HECW2: variants seen among roughly 807,000 people sequenced by gnomAD.
HECW2 encodes HECT, C2 and WW domain containing E3 ubiquitin protein ligase 2, also known as E3 ubiquitin-protein ligase HECW2.
Under a neutral mutation model 175.2 loss-of-function variants are expected in HECW2, and 61 were observed. The observed-to-expected ratio is 0.35, with a 90% confidence interval of 0.28 to 0.43. HECW2 has a LOEUF of 0.43. Ranked by LOEUF, HECW2 falls within the 20% of genes least tolerant of loss-of-function variation. HECW2 has a pLI of 1.00. For synonymous variants in HECW2, 671 were observed against 731.0 expected (o/e 0.92, Z 1.32); for missense variants, 1,524 against 2,000.5 (o/e 0.76, Z 4.54).
chr2:196,529,623 G>A lies in HECW2; in HGVS notation c.-36+63885C>T, dbSNP rs533918438. ...GCCAGGGCCTTAGGACAAGGAGTGTGCTCATGTTCATCCATACTCTCCTTC... is the reference window on the plus strand; with the variant it reads ...GCCAGGGCCTTAGGACAAGGAGTGTACTCATGTTCATCCATACTCTCCTTC... On this transcript the variant is annotated intron_variant, in intron 1 of 28. Transcript: ENST00000644978. Among the ~76,000 whole-genome samples, 4 of 152,322 alleles carry A rather than the reference G, an allele frequency of 2.6e-5. No homozygotes were observed. The East Asian group carries it at 5.8e-4, about 22-fold the overall frequency.
intron 1 of HECW2, among the ~76,000 whole-genome samples, chr2:196,551,679 A>G (rs1282398163): frequency 2.0e-5 from 3 of 152,244 alleles, no homozygotes; most frequent in Non-Finnish European, 4.4e-5. Flanking sequence ...ACAGTATCTG[A>G]TAACTTTGTT....
intron 1 of HECW2, among the ~76,000 whole-genome samples, chr2:196,550,723 A>G (rs1689580117): frequency 6.6e-6 from 1 of 152,154 alleles, no homozygotes; most frequent in South Asian, 2.1e-4. Flanking sequence ...GTGGCAATAA[A>G]TTTTTCCTTA....
intron 24 of HECW2, among the ~76,000 whole-genome samples, chr2:196,221,727 T>C (rs1159005329): frequency 6.6e-6 from 1 of 152,008 alleles, no homozygotes; most frequent in Non-Finnish European, 1.5e-5. Context: ...ACCTGGCTAA[T>C]TTTTGTATTT....
At chr2:196,554,183 G>A (rs962681784) in intron 1 of HECW2, among the ~76,000 whole-genome samples, 10 of 152,224 alleles carry the variant, frequency 6.6e-5, no homozygotes, top group South Asian at 4.1e-4. Context: ...AAAATTAGCC[G>A]GGCGCAGTGG....
At chr2:196,578,242 G>T (rs553137663) in intron 1 of HECW2, among the ~76,000 whole-genome samples, 1 of 152,208 alleles carries the variant, frequency 6.6e-6, no homozygotes, top group South Asian at 2.1e-4. Flanking sequence ...CACTAGAGGG[G>T]TTCAATAGTA....
At chr2:196,526,498 C>T (rs555313317) in intron 1 of HECW2, among the ~76,000 whole-genome samples, 33 of 152,114 alleles carry the variant, frequency 2.2e-4, no homozygotes, top group Non-Finnish European at 4.4e-4. Context: ...ATTCTCCATC[C>T]AGCTTTGTTC....
At chr2:196,549,067 T>A (rs1380208441) in intron 1 of HECW2, among the ~76,000 whole-genome samples, 1 of 152,212 alleles carries the variant, frequency 6.6e-6, no homozygotes, top group East Asian at 1.9e-4. Context: ...CCCACAAACT[T>A]AGAAACCCTT....
chr2:196,528,706 C>A (rs1253557020), intron 1 of HECW2, among the ~76,000 whole-genome samples: 1 of 152,200 alleles, frequency 6.6e-6, no homozygotes, highest in Non-Finnish European at 1.5e-5. Flanking sequence ...GGAGCAGTCA[C>A]AATTATGTGG....
chr2:196,219,563 T>A (rs567995285), intron 26 of HECW2, among the ~76,000 whole-genome samples: 63 of 152,352 alleles, frequency 4.1e-4, no homozygotes, highest in African/African-American at 1.4e-3. Context: ...AATGTTGTAT[T>A]TTGGGAACTG....
In HECW2 at chr2:196,458,436, TCACA is replaced by T. The variant is rs34752264; in HGVS notation, c.-35-24982_-35-24979del. On this transcript the variant is annotated intron_variant, in intron 1 of 28. Transcript: ENST00000644978. ...GTTTCTCTCTCTCCCTCTCACTCAC[TCACA>T]CACACACACACACACACACATACAC... Among the ~76,000 whole-genome samples, 130 of 146,906 alleles carry T rather than the reference TCACA, an allele frequency of 8.8e-4. 1 individual carries two copies. Among genetic ancestry groups the T allele is most frequent in the African/African-American group, 2.9e-3 (115 of 40,258 alleles).
intron 2 of HECW2, among the ~76,000 whole-genome samples, chr2:196,383,452 T>C (rs1694263954): frequency 6.6e-6 from 1 of 152,022 alleles, no homozygotes; most frequent in Non-Finnish European, 1.5e-5. Context: ...GAAAAGAGCC[T>C]AGGAGAGAAA....
chr2:196,378,950 C>A (rs762015541), intron 2 of HECW2, among the ~76,000 whole-genome samples: 5 of 152,040 alleles, frequency 3.3e-5, no homozygotes, highest in Non-Finnish European at 7.4e-5. Context: ...ATGAAGTACA[C>A]AGCACCACCA....
At chr2:196,507,628 T>C (rs967188670) in intron 1 of HECW2, among the ~76,000 whole-genome samples, 2 of 152,132 alleles carry the variant, frequency 1.3e-5, no homozygotes, top group African/African-American at 4.8e-5. Context: ...AACATCTAAC[T>C]CCAAATCTGA....
At chr2:196,359,223 G>A (rs1324270725) in intron 2 of HECW2, among the ~76,000 whole-genome samples, 6 of 152,196 alleles carry the variant, frequency 3.9e-5, no homozygotes, top group Non-Finnish European at 1.5e-5. Context: ...GCCAAGGCAG[G>A]TGGATCATGA....
chr2:196,247,010 C>G (rs1480923124), intron 19 of HECW2, among the ~76,000 whole-genome samples: 1 of 152,038 alleles, frequency 6.6e-6, no homozygotes, highest in Non-Finnish European at 1.5e-5. Flanking sequence ...CGCCTGTAAT[C>G]CCATCACTTT....
chr2:196,236,256 G>A (rs919517538), intron 21 of HECW2, among the ~76,000 whole-genome samples: 2 of 152,248 alleles, frequency 1.3e-5, no homozygotes, highest in East Asian at 1.9e-4. Flanking sequence ...TACCCTGGGG[G>A]CTGTCATTTA....
chr2:196,460,251 T>G (rs920922500), intron 1 of HECW2, among the ~76,000 whole-genome samples: 4 of 152,188 alleles, frequency 2.6e-5, no homozygotes, highest in Admixed American at 2.0e-4. Flanking sequence ...TGGGCATAAT[T>G]AAAAGACTCT....
chr2:196,568,517 C>A lies in HECW2; in HGVS notation c.-36+24991G>T, dbSNP rs528101234. Among the ~76,000 whole-genome samples the A allele has an allele frequency of 4.6e-5, 7 of 152,290 alleles. No homozygotes were observed. In the South Asian group the frequency reaches 1.4e-3, roughly 32 times the overall value. ...CAATTTTACCATGGGTTTATCAGGA[C>A]ATAACCCCATAATAAATCCAGAAGC... is the stretch of plus-strand genomic sequence containing the variant. On this transcript the variant is annotated intron_variant, in intron 1 of 28. Coordinates refer to ENST00000644978, the MANE Select transcript of HECW2 (RefSeq NM_001348768.2).
intron 23 of HECW2, among the ~76,000 whole-genome samples, chr2:196,224,181 A>T (rs779443808): frequency 2.0e-5 from 3 of 152,162 alleles, no homozygotes; most frequent in Non-Finnish European, 4.4e-5. Flanking sequence ...TTCTGACCAG[A>T]GTGGCCTGAG....
Sources: allele counts gnomAD v4.1 joint callset (sites outside exome capture counted in the v4.1 genomes callset), GRCh38; gene constraint gnomAD v4.1.1; transcripts MANE v1.5; gene names NCBI Gene and HGNC (gene_info 2026-07-23, HGNC 2026-07-21).